Variants in FRS2 observed in about 807,000 individuals in gnomAD.
The protein encoded by FRS2 is FGFR signalling adaptor.
Under a neutral mutation model 43.9 loss-of-function variants are expected in FRS2, and 8 were observed. The ratio of observed to expected loss-of-function variants is 0.18; its 90% CI spans 0.11 to 0.33. The LOEUF (loss-of-function observed/expected upper bound fraction) is 0.33. Among genes scored for constraint, FRS2 ranks in the 10% least tolerant of loss-of-function variants. The pLI is 1.00. For synonymous variants in FRS2, 219 were observed against 220.3 expected (o/e 0.99, Z 0.05); for missense variants, 534 against 627.6 (o/e 0.85, Z 1.59).
intron 1 of FRS2, among the ~76,000 whole-genome samples, chr12:69,474,795 C>T (rs1870619548): frequency 6.6e-6 from 1 of 152,146 alleles, no homozygotes; most frequent in Admixed American, 6.5e-5. Context: ...CAGTATTTCA[C>T]TTATTTATGT....
At chr12:69,546,403 G>A (rs1156903930) in intron 3 of FRS2, among the ~76,000 whole-genome samples, 2 of 151,958 alleles carry the variant, frequency 1.3e-5, no homozygotes, top group Non-Finnish European at 2.9e-5. Context: ...GACTATAGGT[G>A]TGCACCACCA....
chr12:69,572,976 G>A (rs800647), intron 8 of FRS2, among the ~76,000 whole-genome samples: 13,725 of 152,118 alleles, frequency 0.09, 831 homozygotes, highest in Non-Finnish European at 0.14. Flanking sequence ...GATTACAGGC[G>A]CAGGCCACCA....
intron 8 of FRS2, 82 bp from the exon 9 acceptor site, chr12:69,573,919 CAATA>C: frequency 1.2e-6 from 1 of 813,260 alleles, no homozygotes; most frequent in Non-Finnish European, 1.9e-6. Flanking sequence ...TAACTGTTGT[CAATA>C]AAATTAACTG....
chr12:69,502,061 A>G (rs1295936620), intron 1 of FRS2, among the ~76,000 whole-genome samples: 1 of 151,532 alleles, frequency 6.6e-6, no homozygotes, highest in Non-Finnish European at 1.5e-5. Context: ...CGCCTTCTGG[A>G]TTTAAGCAAT....
chr12:69,501,711 GA>G (rs1384898978), intron 1 of FRS2, among the ~76,000 whole-genome samples: 1 of 152,082 alleles, frequency 6.6e-6, no homozygotes, highest in Non-Finnish European at 1.5e-5. Flanking sequence ...CAGGATTCTC[GA>G]ACTCTGGAGG....
At chr12:69,477,660 A>G (rs1487017425) in intron 1 of FRS2, among the ~76,000 whole-genome samples, 1 of 151,452 alleles carries the variant, frequency 6.6e-6, no homozygotes. Context: ...TCCCTATGAC[A>G]TGGCTTTATC....
At chr12:69,537,129 T>C (rs946930579) in intron 3 of FRS2, among the ~76,000 whole-genome samples, 3 of 152,218 alleles carry the variant, frequency 2.0e-5, no homozygotes, top group Non-Finnish European at 4.4e-5. Flanking sequence ...AATAATGTAG[T>C]AACTTAGCAT....
intron 1 of FRS2, among the ~76,000 whole-genome samples, chr12:69,492,421 A>T (rs967032659): frequency 1.3e-5 from 2 of 152,180 alleles, no homozygotes; most frequent in Non-Finnish European, 2.9e-5. Flanking sequence ...GTCTTGAAGG[A>T]GATGATGGAG....
At chr12:69,519,153 A>G (rs1353314538) in intron 1 of FRS2, among the ~76,000 whole-genome samples, 2 of 152,224 alleles carry the variant, frequency 1.3e-5, no homozygotes, top group African/African-American at 2.4e-5. Context: ...TCTCTGGGAC[A>G]CATAGATATG....
At chr12:69,518,102 T>C (rs1054392990) in intron 1 of FRS2, among the ~76,000 whole-genome samples, 1 of 152,224 alleles carries the variant, frequency 6.6e-6, no homozygotes, top group Non-Finnish European at 1.5e-5. Flanking sequence ...AGAAACACTA[T>C]TTCACAGCAG....
intron 1 of FRS2, among the ~76,000 whole-genome samples, chr12:69,484,241 C>T (rs1352346897): frequency 2.0e-5 from 3 of 152,018 alleles, no homozygotes; most frequent in African/African-American, 4.8e-5. Context: ...CCCACCACCA[C>T]GCCCAGCTAA....
At chr12:69,472,135 G>A (rs1055655104) in intron 1 of FRS2, among the ~76,000 whole-genome samples, 1 of 151,996 alleles carries the variant, frequency 6.6e-6, no homozygotes, top group Non-Finnish European at 1.5e-5. Flanking sequence ...TGCCCAGGCT[G>A]CAGCACAGTG....
intron 6 of FRS2, among the ~76,000 whole-genome samples, 157 bp downstream of exon 6, chr12:69,570,674 A>C (rs189221320): frequency 1.3e-5 from 2 of 152,378 alleles, no homozygotes; most frequent in Middle Eastern, 3.4e-3. Context: ...TAATTTATCA[A>C]CTGTTTATTA....
At chr12:69,502,558 C>G (rs1157155449) in intron 1 of FRS2, among the ~76,000 whole-genome samples, 5 of 152,034 alleles carry the variant, frequency 3.3e-5, no homozygotes, top group African/African-American at 7.2e-5. Flanking sequence ...TTGATGACAG[C>G]TTATCCAGCA....
intron 1 of FRS2, among the ~76,000 whole-genome samples, chr12:69,504,761 T>C (rs1453427163): frequency 6.6e-6 from 1 of 152,236 alleles, no homozygotes; most frequent in African/African-American, 2.4e-5. Context: ...TACAACCTGA[T>C]GGAAATAAAT....
intron 1 of FRS2, among the ~76,000 whole-genome samples, chr12:69,528,137 C>T (rs1876441542): frequency 6.6e-6 from 1 of 152,176 alleles, no homozygotes; most frequent in African/African-American, 2.4e-5. Flanking sequence ...TTTTCTCTGT[C>T]CCCTGGCTAT....
At chr12:69,507,827 C>T (rs1489348199) in intron 1 of FRS2, among the ~76,000 whole-genome samples, 1 of 151,928 alleles carries the variant, frequency 6.6e-6, no homozygotes, top group African/African-American at 2.4e-5. Context: ...AAGTTCAAGA[C>T]CAGCCTGACC....
chr12:69,546,157 A>G (rs948009695), intron 3 of FRS2, among the ~76,000 whole-genome samples: 1 of 152,230 alleles, frequency 6.6e-6, no homozygotes, highest in African/African-American at 2.4e-5. Flanking sequence ...AAGAAGATAT[A>G]CAAAGGCCAG....
intron 1 of FRS2, among the ~76,000 whole-genome samples, chr12:69,477,771 C>T (rs997654926): frequency 1.5e-4 from 22 of 150,756 alleles, no homozygotes; most frequent in South Asian, 4.2e-4. Flanking sequence ...GACAGAGTCT[C>T]GCTCTGTTGC....
Sources: gnomAD v4.1 joint callset for allele counts (sites outside exome capture counted in the v4.1 genomes callset) on GRCh38, gnomAD v4.1.1 for gene constraint, MANE v1.5 for transcripts, NCBI Gene and HGNC (gene_info 2026-07-23, HGNC 2026-07-21) for gene names.